The following LYST variants were observed in gnomAD, a reference collection of about 807,000 sequenced individuals.
LYST encodes lysosomal trafficking regulator, also known as lysosomal-trafficking regulator.
Under a neutral mutation model 413.6 loss-of-function variants are expected in LYST, and 192 were observed. The ratio of observed to expected loss-of-function variants is 0.46; its 90% confidence interval spans 0.41 to 0.52. The LOEUF (loss-of-function observed/expected upper bound fraction) is 0.52. Ranked by LOEUF, LYST falls within the 20% of genes least tolerant of loss-of-function variation. LYST has a pLI of 0.00. For missense variants in LYST, 3,815 were observed against 4,499.9 expected (o/e 0.85, Z 4.35); for synonymous variants, 1,525 against 1,567.3 (o/e 0.97, Z 0.64).
At chr1:235,744,484 G>A (rs937055510) in intron 29 of LYST, among the ~76,000 whole-genome samples, 3 of 152,084 alleles carry the variant, frequency 2.0e-5, no homozygotes, top group African/African-American at 7.2e-5. Flanking sequence ...TTACATGAGT[G>A]GATCTACAGA....
rs907453746 is a variant in LYST, at chr1:235,661,293, T to C, written c.*1647A>G. 8 of 152,720 alleles carry C rather than the reference T, an allele frequency of 5.2e-5. No homozygotes were observed. Among genetic ancestry groups the C allele is most frequent in the South Asian group, 4.1e-4 (2 of 4,828 alleles). The allele number at this position is 152,720 out of a possible 1,614,324, so 9.5% of individuals were successfully genotyped here. On this transcript the variant is annotated 3_prime_UTR_variant, in exon 53 of 53. Transcript: ENST00000389793. ...TCTTTAGATAAATGATGAAATTCGG[T>C]TTTTAAAAAAAGATGAGTAGCAACC...
At chr1:235,851,725 G>A (rs995525256) in intron 1 of LYST, among the ~76,000 whole-genome samples, 1 of 151,788 alleles carries the variant, frequency 6.6e-6, no homozygotes, top group Non-Finnish European at 1.5e-5. Flanking sequence ...CGAGAATACT[G>A]AAGCAAAATC....
chr1:235,784,625 T>G lies in LYST; in HGVS notation c.4863-2538A>C, dbSNP rs368858289. Among the ~76,000 whole-genome samples the G allele has an allele frequency of 2.3e-4, 35 of 152,312 alleles. No homozygotes were observed. The South Asian group carries it at 7.3e-3, about 32-fold the overall frequency. On this transcript the variant is annotated intron_variant, in intron 14 of 52. Transcript: ENST00000389793. Reference sequence around the variant, plus strand: ...CACTCTAGGTCTCAGTTGCCTCATATGTAAAATTGGGATAATAATATACCT... The same window carrying G: ...CACTCTAGGTCTCAGTTGCCTCATAGGTAAAATTGGGATAATAATATACCT...
At chr1:235,672,731 T>C (rs948088966) in intron 50 of LYST, among the ~76,000 whole-genome samples, 1 of 152,204 alleles carries the variant, frequency 6.6e-6, no homozygotes, top group South Asian at 2.1e-4. Context: ...TCGATTACCA[T>C]GGACTAAGTG....
At chr1:235,812,053 A>G (rs1673501658) in intron 4 of LYST, among the ~76,000 whole-genome samples, 1 of 152,198 alleles carries the variant, frequency 6.6e-6, no homozygotes, top group Non-Finnish European at 1.5e-5. Context: ...CAAACATGTC[A>G]CAAGAAAGGG....
intron 30 of LYST, 139 bp downstream of exon 30, chr1:235,743,840 A>T: frequency 1.7e-6 from 1 of 582,666 alleles, no homozygotes; most frequent in Admixed American, 3.1e-5. Flanking sequence ...TATAATTAAA[A>T]ATTCAAGTTG....
At position 235,674,150 on chromosome 1, in the gene LYST, C is replaced by T. The variant is rs1659188453; in HGVS notation, c.11038+2941G>A. Among the ~76,000 whole-genome samples the T allele has an allele frequency of 6.6e-6, 1 of 152,134 alleles. No homozygotes were observed. The highest frequency in any genetic ancestry group is 1.5e-5 in the Non-Finnish European group (1 of 68,020). The stretch of plus-strand genomic sequence containing the variant: ...CCTCCAAGTAACAATGTCAATTTTA[C>T]CTTGTGTCTCTCACGACAGGGGGAA... On this transcript the variant is annotated intron_variant, in intron 50 of 52. Coordinates refer to ENST00000389793, the MANE Select transcript of LYST (RefSeq NM_000081.4). This position sits in a 1 kb window ranked among gnomAD's most constrained non-coding sequence, Gnocchi z 4.1.
chr1:235,818,934 G>C (rs987990758), intron 3 of LYST, among the ~76,000 whole-genome samples: 7 of 152,172 alleles, frequency 4.6e-5, no homozygotes, highest in African/African-American at 1.7e-4. Context: ...CTCAGACCCA[G>C]CAACACCTCT....
In LYST at chr1:235,759,423, ATTGGGTGGCAAC is replaced by A; in HGVS notation, c.6418_6429del (p.Val2140_Gln2143del). 3.1e-6 allele frequency: 5 copies of A among 1,613,946 alleles called. No homozygotes were observed. The highest frequency in any genetic ancestry group is 3.4e-6 in the Non-Finnish European group (4 of 1,179,942). On this transcript the variant is annotated inframe_deletion, in exon 23 of 53. Coordinates refer to ENST00000389793, the MANE Select transcript of LYST (RefSeq NM_000081.4). ...CTCCCCAAAGAATTTTGTTTCTTTG[ATTGGGTGGCAAC>A]ATAAGTATCTGCAATATTTTGTAAC...
chr1:235,725,952 A>G (rs1013854658), intron 38 of LYST, among the ~76,000 whole-genome samples: 32 of 152,156 alleles, frequency 2.1e-4, no homozygotes, highest in African/African-American at 7.7e-4. Flanking sequence ...AAAATCAAGA[A>G]AAACTTAAAA....
intron 48 of LYST, among the ~76,000 whole-genome samples, chr1:235,678,060 G>C (rs1020142038): frequency 2.0e-5 from 3 of 151,888 alleles, no homozygotes; most frequent in African/African-American, 7.3e-5. Flanking sequence ...TCAAATTATA[G>C]ATAATACCAT....
chr1:235,791,906 G>A lies in LYST; in HGVS notation c.4336C>T (p.Arg1446Trp), dbSNP rs200276917. 6.8e-5 allele frequency: 110 copies of A among 1,614,108 alleles called. 1 individual carries two copies. The Middle Eastern group carries it at 1.3e-3, about 19-fold the overall frequency. The change falls in exon 12 of 53, where the codon CGG (arginine) becomes TGG (tryptophan). Residue 1446 changes from arginine to tryptophan, a missense_variant. By Grantham distance (101) the Arg-to-Trp change is moderately radical (BLOSUM62 -3). This residue lies in a region of LYST where 1,648 missense variants were observed against 1,810.3 expected (regional missense o/e 0.91). Transcript: ENST00000389793. ...GCTATGTGCCAAGATGAAAGCAGCC[G>A]ATGGGGAAAACTCTCTCTATCAGCC... The part of the protein sequence containing the change: ...KEADRESFPH[R>W]LLSSWHIAPV...
At chr1:235,737,942 C>CATTAA in intron 31 of LYST, 1 of 1,266,844 alleles carries the variant, frequency 7.9e-7, no homozygotes, top group Non-Finnish European at 1.0e-6. Flanking sequence ...CCGCGTGCCC[C>CATTAA]AACACCCGCC....
intron 5 of LYST, among the ~76,000 whole-genome samples, chr1:235,807,783 TTTTG>T (rs1334881577): frequency 3.9e-5 from 6 of 152,098 alleles, no homozygotes; most frequent in African/African-American, 1.4e-4. Flanking sequence ...ATATTCTTAT[TTTTG>T]TTTATCTATA....
intron 48 of LYST, among the ~76,000 whole-genome samples, chr1:235,684,592 G>A (rs1660063959): frequency 6.6e-6 from 1 of 152,166 alleles, no homozygotes; most frequent in Non-Finnish European, 1.5e-5. Flanking sequence ...AAAAAGTTAT[G>A]ACACTTATAT....
In LYST at chr1:235,759,025, A is replaced by G; in HGVS notation, c.6828T>C (p.Phe2276=). Residue 2276 remains phenylalanine, a synonymous_variant, in exon 23 of 53, where the codon TTT becomes TTC. Transcript: ENST00000389793. ...VDRNTDDWEN[F]AYSLGYEPNY... The stretch of plus-strand genomic sequence containing the variant: ...TTGGCTCATAACCAAGAGAATAGGC[A>G]AAGTTTTCCCAATCATCAGTGTTTC... 6.2e-7 allele frequency: 1 copy of G among 1,614,128 alleles called. No individual in the cohort carries two copies. Among genetic ancestry groups the G allele is most frequent in the Non-Finnish European group, 8.5e-7 (1 of 1,180,006 alleles).
At position 235,755,232 on chromosome 1, in the gene LYST, AC is replaced by A. The variant is rs556658969; in HGVS notation, c.7229+245del. On this transcript the variant is annotated intron_variant, in intron 25 of 52. Transcript: ENST00000389793. ...GTGAAACCCCATCTCTACTAAAGAT[AC>A]AAAAAACTAGCCGGGCATGGTGGTA... 5.9e-5 allele frequency among the ~76,000 whole-genome samples: 9 copies of A among 151,988 alleles called. 1 individual carries two copies. In the East Asian group the frequency reaches 1.7e-3, roughly 29 times the overall value.
In LYST at chr1:235,738,123, A is replaced by C. The variant is rs1572108594; in HGVS notation, c.8358+3299T>G. On this transcript the variant is annotated intron_variant, in intron 31 of 52. Coordinates refer to ENST00000389793, the MANE Select transcript of LYST (RefSeq NM_000081.4). ...GGCCTGTGCCATCGGTATCTTAATG[A>C]AGGACTTGGCAGGCGAACTTGCTCT... 3 of 1,608,396 alleles carry C rather than the reference A, an allele frequency of 1.9e-6. No homozygotes were observed. In the South Asian group the frequency reaches 3.3e-5, roughly 18 times the overall value.
chr1:235,774,314 C>T (rs1170033598), intron 18 of LYST, among the ~76,000 whole-genome samples: 1 of 152,074 alleles, frequency 6.6e-6, no homozygotes, highest in African/African-American at 2.4e-5. Flanking sequence ...AGGATTCATG[C>T]CACAAATGTA....
Sources: allele counts gnomAD v4.1 joint callset (sites outside exome capture counted in the v4.1 genomes callset), GRCh38; gene constraint gnomAD v4.1.1; regional missense constraint gnomAD v4.1.1; non-coding constraint Gnocchi (gnomAD v3.1); transcripts MANE v1.5; gene names NCBI Gene and HGNC (gene_info 2026-07-23, HGNC 2026-07-21).